Variants in DENND1A observed in about 807,000 individuals in gnomAD.
The protein encoded by DENND1A is DENN domain containing 1A.
Under a neutral mutation model 113.7 loss-of-function variants are expected in DENND1A, and 51 were observed. The observed-to-expected ratio is 0.45, with a 90% CI of 0.36 to 0.57. The LOEUF is 0.57. Among genes scored for constraint, DENND1A ranks in the 20% least tolerant of loss-of-function variants. The pLI is 0.00. For missense variants in DENND1A, 1,258 were observed against 1,395.9 expected (o/e 0.90, Z 1.57); for synonymous variants, 565 against 570.8 (o/e 0.99, Z 0.14).
rs1839890833 is a variant in DENND1A at position 123,829,646 on chromosome 9, G to T, written c.89-37016C>A. On this transcript the variant is annotated intron_variant, in intron 2 of 23. Transcript: ENST00000394215. ...AGAAGAAATAAAAAACAAGGAAACA[G>T]GTACAAAAAAAGAACTGATACAAGA... 2.0e-5 allele frequency among the ~76,000 whole-genome samples: 3 copies of T among 151,672 alleles called. No homozygotes were observed. The South Asian group carries it at 6.2e-4, about 32-fold the overall frequency.
At chr9:123,751,468 T>C (rs2070022958) in intron 5 of DENND1A, 1 of 152,172 alleles carries the variant, frequency 6.6e-6, no homozygotes, top group Admixed American at 6.5e-5. Context: ...ACCTCCAAAG[T>C]GACACGCAAC....
At chr9:123,695,982 C>CAAAAAAAA (rs59667113) in intron 5 of DENND1A, among the ~76,000 whole-genome samples, 1 of 106,558 alleles carries the variant, frequency 9.4e-6, no homozygotes, top group African/African-American at 3.1e-5. Context: ...TCTGTTAATA[C>CAAAAAAAA]AAAAAAAAAA....
intron 16 of DENND1A, among the ~76,000 whole-genome samples, 160 bp downstream of exon 16, chr9:123,454,579 G>A (rs2047972621): frequency 6.6e-6 from 1 of 152,150 alleles, no homozygotes; most frequent in South Asian, 2.1e-4. Flanking sequence ...CACCCTTCTA[G>A]TCTCCATCTG....
intron 2 of DENND1A, among the ~76,000 whole-genome samples, chr9:123,805,595 A>T (rs1256160302): frequency 1.3e-5 from 2 of 151,624 alleles, no homozygotes; most frequent in Non-Finnish European, 2.9e-5. Context: ...CACCATGCCC[A>T]GCTAATTTTT....
At chr9:123,772,617 G>C (rs143769372) in intron 3 of DENND1A, among the ~76,000 whole-genome samples, 2,162 of 152,290 alleles carry the variant, frequency 0.014, 35 homozygotes, top group South Asian at 0.024. Context: ...GCTAAGGCAG[G>C]GGGTGGGGAG....
chr9:123,621,145 T>C (rs532665638), intron 10 of DENND1A, among the ~76,000 whole-genome samples: 4 of 151,402 alleles, frequency 2.6e-5, no homozygotes, highest in South Asian at 2.1e-4. Flanking sequence ...GTTAAGTCTA[T>C]ATATTTAGTT....
intron 5 of DENND1A, among the ~76,000 whole-genome samples, chr9:123,741,752 T>C (rs1200699968): frequency 2.0e-5 from 3 of 152,180 alleles, no homozygotes. Context: ...CTGAGTGTCA[T>C]TCAACAAATG....
chr9:123,673,757 C>T (rs1196522361), intron 6 of DENND1A, among the ~76,000 whole-genome samples: 1 of 152,232 alleles, frequency 6.6e-6, no homozygotes. Flanking sequence ...CCAATGGCTC[C>T]TATTCCAATC....
intron 5 of DENND1A, among the ~76,000 whole-genome samples, chr9:123,719,454 C>G (rs1159560636): frequency 1.3e-5 from 2 of 152,182 alleles, no homozygotes; most frequent in African/African-American, 4.8e-5. Context: ...CTAGGTATCA[C>G]ACACAGAGCT....
rs958732008 is a variant in DENND1A, at chr9:123,745,065, C to T, written c.302+12638G>A. Among the ~76,000 whole-genome samples the T allele has an allele frequency of 6.6e-5, 10 of 152,216 alleles. No homozygotes were observed. The South Asian group carries it at 1.0e-3, about 16-fold the overall frequency. On this transcript the variant is annotated intron_variant, in intron 5 of 23. Coordinates refer to ENST00000394215, the MANE Select transcript of DENND1A (RefSeq NM_001352964.2). ...TGCAGGGATTACAGGCGTGAGCCACCGTGCCTGGCCTACTTATATTATCTC... is the reference window on the plus strand; with the variant it reads ...TGCAGGGATTACAGGCGTGAGCCACTGTGCCTGGCCTACTTATATTATCTC...
At chr9:123,619,219 T>G (rs2138134472) in intron 10 of DENND1A, among the ~76,000 whole-genome samples, 1 of 152,288 alleles carries the variant, frequency 6.6e-6, no homozygotes, top group Non-Finnish European at 1.5e-5. Flanking sequence ...AGCGCTGGGA[T>G]TACAGGCATG....
chr9:123,403,109 A>C, intron 21 of DENND1A, among the ~76,000 whole-genome samples: 1 of 152,170 alleles, frequency 6.6e-6, no homozygotes, highest in Non-Finnish European at 1.5e-5. Context: ...CGGCATCTTC[A>C]GCACAAGAGG....
chr9:123,402,446 ACT>A (rs1475252685), intron 21 of DENND1A: 1 of 525,888 alleles, frequency 1.9e-6, no homozygotes, highest in African/African-American at 1.9e-5. Flanking sequence ...TCTTGCTCCA[ACT>A]CTGACTGGGA....
intron 5 of DENND1A, among the ~76,000 whole-genome samples, chr9:123,740,916 G>GAA (rs2068964424): frequency 7.0e-6 from 1 of 142,962 alleles, no homozygotes; most frequent in South Asian, 2.2e-4. Context: ...GAGAGAGAGA[G>GAA]AGAGAGAGAG....
chr9:123,469,938 A>G (rs189486984), intron 13 of DENND1A, among the ~76,000 whole-genome samples: 1 of 152,332 alleles, frequency 6.6e-6, no homozygotes, highest in East Asian at 1.9e-4. Context: ...ATGCAGCACA[A>G]TATTATTTAT....
At chr9:123,420,482 G>A (rs1010124240) in intron 19 of DENND1A, among the ~76,000 whole-genome samples, 5 of 152,288 alleles carry the variant, frequency 3.3e-5, no homozygotes, top group South Asian at 4.1e-4. Flanking sequence ...AGCACCTGCC[G>A]CGGGGTCTCA....
intron 2 of DENND1A, among the ~76,000 whole-genome samples, chr9:123,826,141 T>C (rs1320527758): frequency 2.6e-5 from 4 of 152,208 alleles, no homozygotes; most frequent in Admixed American, 1.3e-4. Flanking sequence ...CAGCATAAGC[T>C]AGGGGAAGTT....
intron 1 of DENND1A, among the ~76,000 whole-genome samples, chr9:123,902,071 C>T (rs1039229700): frequency 1.3e-5 from 2 of 151,786 alleles, no homozygotes; most frequent in African/African-American, 4.8e-5. Flanking sequence ...ATCCAAATAT[C>T]GGCCCTCATG....
At chr9:123,420,112 A>C (rs1264039637) in intron 19 of DENND1A, among the ~76,000 whole-genome samples, 1 of 152,224 alleles carries the variant, frequency 6.6e-6, no homozygotes. Flanking sequence ...CGTCACGCTG[A>C]GGAAGAGGTT....
Sources: gnomAD v4.1 joint callset for allele counts (sites outside exome capture counted in the v4.1 genomes callset) on GRCh38, gnomAD v4.1.1 for gene constraint, MANE v1.5 for transcripts, NCBI Gene and HGNC (gene_info 2026-07-23, HGNC 2026-07-21) for gene names.